The following SLC16A12 variants were observed in gnomAD, a reference collection of about 807,000 sequenced individuals.
The protein encoded by SLC16A12 is monocarboxylate transporter 12.
SLC16A12 carries 17 observed loss-of-function variants against 42.4 expected under a neutral mutation model. The ratio of observed to expected loss-of-function variants is 0.40; its 90% CI spans 0.27 to 0.60. The LOEUF is 0.60. Ranked by LOEUF, SLC16A12 falls within the 20% of genes least tolerant of loss-of-function variation. The pLI is 0.42. For missense variants in SLC16A12, 544 were observed against 623.0 expected (o/e 0.87, Z 1.35); for synonymous variants, 224 against 229.4 (o/e 0.98, Z 0.21).
At chr10:89,462,216 C>T (rs1347086156) in intron 3 of SLC16A12, among the ~76,000 whole-genome samples, 163 bp downstream of exon 3, 1 of 152,136 alleles carries the variant, frequency 6.6e-6, no homozygotes, top group Non-Finnish European at 1.5e-5. Flanking sequence ...GAATCACATA[C>T]TTTGCAAAGA....
Position 89,509,809 on chromosome 10 carries a change from T to C in SLC16A12, c.-47+24692A>G, listed in dbSNP as rs1227513723. 2.6e-5 allele frequency among the ~76,000 whole-genome samples: 4 copies of C among 152,328 alleles called. No individual in the cohort carries two copies. In the East Asian group the frequency reaches 7.7e-4, roughly 29 times the overall value. ...AAACAGGAAGTCAAATTGTCTCCAT[T>C]TGCAGATGACATAATTGTATATTTA... is the stretch of plus-strand genomic sequence containing the variant. On this transcript the variant is annotated intron_variant, in intron 2 of 7. Transcript: ENST00000371790.
chr10:89,446,199 G>A (rs1841998868), intron 3 of SLC16A12, among the ~76,000 whole-genome samples: 1 of 152,142 alleles, frequency 6.6e-6, no homozygotes, highest in Non-Finnish European at 1.5e-5. Flanking sequence ...TATTATCCAG[G>A]AGAACTTCCC....
At chr10:89,481,662 TGTGAGA>T (rs1291228423) in intron 2 of SLC16A12, among the ~76,000 whole-genome samples, 2 of 136,820 alleles carry the variant, frequency 1.5e-5, no homozygotes, top group African/African-American at 5.5e-5. Context: ...TGTGTGTGTG[TGTGAGA>T]GAGAGAGAGA....
rs551860318 is a variant in SLC16A12, at chr10:89,431,373, C to G, written c.*1691G>C. ...ATTCTTAAACTAAGTAAGGAGATAA[C>G]AGACAACATTTAAATTTGTCTTTGG... is the stretch of plus-strand genomic sequence containing the variant. On this transcript the variant is annotated 3_prime_UTR_variant, in exon 8 of 8. Coordinates refer to ENST00000371790, the MANE Select transcript of SLC16A12 (RefSeq NM_213606.4). 1 of 152,324 alleles carries G rather than the reference C, an allele frequency of 6.6e-6. No homozygotes were observed. Among genetic ancestry groups the G allele is most frequent in the South Asian group, 2.1e-4 (1 of 4,832 alleles). The allele number at this position is 152,324 out of a possible 1,614,324, so 9.4% of individuals were successfully genotyped here. A position where few individuals can be genotyped will look rare whatever the true frequency, so the allele number is the denominator to read the frequency against.
At chr10:89,437,856 A>C (rs1339941233) in intron 6 of SLC16A12, among the ~76,000 whole-genome samples, 1 of 152,242 alleles carries the variant, frequency 6.6e-6, no homozygotes, top group Non-Finnish European at 1.5e-5. Context: ...TGAAGAAATT[A>C]CTTGGTAGAT....
At chr10:89,512,455 C>A (rs1564595234) in intron 2 of SLC16A12, among the ~76,000 whole-genome samples, 1 of 152,164 alleles carries the variant, frequency 6.6e-6, no homozygotes, top group South Asian at 2.1e-4. Flanking sequence ...AGGGTTGGAA[C>A]TTTCTGCCCC....
At chr10:89,436,467 C>T in intron 6 of SLC16A12, 148 bp from the exon 7 acceptor site, 3 of 971,988 alleles carry the variant, frequency 3.1e-6, no homozygotes, top group Non-Finnish European at 4.7e-6. Flanking sequence ...TCCTATCTTT[C>T]TTTTTTGCAA....
At chr10:89,513,573 T>G (rs1458555596) in intron 2 of SLC16A12, among the ~76,000 whole-genome samples, 1 of 152,242 alleles carries the variant, frequency 6.6e-6, no homozygotes, top group African/African-American at 2.4e-5. Context: ...AATATAATGA[T>G]TAATACTTAA....
intron 2 of SLC16A12, among the ~76,000 whole-genome samples, chr10:89,519,642 A>T (rs1488192243): frequency 6.6e-6 from 1 of 151,948 alleles, no homozygotes; most frequent in Non-Finnish European, 1.5e-5. Flanking sequence ...AGACTTTATG[A>T]ACTAATAGGC....
intron 2 of SLC16A12, among the ~76,000 whole-genome samples, chr10:89,524,594 C>T (rs912136864): frequency 5.9e-5 from 9 of 152,264 alleles, no homozygotes; most frequent in Non-Finnish European, 8.8e-5. Context: ...GTGCCTCTGG[C>T]TCTGCACGTC....
At chr10:89,496,086 A>G (rs1197726836) in intron 2 of SLC16A12, among the ~76,000 whole-genome samples, 1 of 152,218 alleles carries the variant, frequency 6.6e-6, no homozygotes, top group Non-Finnish European at 1.5e-5. Flanking sequence ...AATTATTAAC[A>G]TAACTAATAA....
chr10:89,455,248 A>G (rs548556452), intron 3 of SLC16A12, among the ~76,000 whole-genome samples: 5 of 152,092 alleles, frequency 3.3e-5, no homozygotes, highest in African/African-American at 7.2e-5. Flanking sequence ...CCAGATGATG[A>G]TATTTTCAAA....
intron 3 of SLC16A12, among the ~76,000 whole-genome samples, chr10:89,459,039 G>T (rs1374243898): frequency 6.6e-6 from 1 of 152,230 alleles, no homozygotes; most frequent in Non-Finnish European, 1.5e-5. Flanking sequence ...AAGGAGAAAA[G>T]TTGAAGAGCA....
intron 2 of SLC16A12, among the ~76,000 whole-genome samples, chr10:89,507,643 A>G (rs1467579871): frequency 2.0e-5 from 3 of 152,248 alleles, no homozygotes; most frequent in Non-Finnish European, 4.4e-5. Context: ...TGTGAAGACC[A>G]TCAACACTAT....
intron 5 of SLC16A12, among the ~76,000 whole-genome samples, chr10:89,440,160 A>C: frequency 6.9e-6 from 1 of 144,884 alleles, no homozygotes; most frequent in African/African-American, 2.5e-5. Context: ...CCTGGATTTT[A>C]TGGCAACTAG....
chr10:89,538,269 C>T (rs1843693071), upstream of SLC16A12, among the ~76,000 whole-genome samples: 1 of 152,204 alleles, frequency 6.6e-6, no homozygotes, highest in African/African-American at 2.4e-5. Context: ...ATAGCACTGT[C>T]CAACAGAATT....
At chr10:89,536,184 A>ACAC (rs1843657922), upstream of SLC16A12, among the ~76,000 whole-genome samples, 1 of 152,108 alleles carries the variant, frequency 6.6e-6, no homozygotes, top group Non-Finnish European at 1.5e-5. Context: ...CCCAAAAAGA[A>ACAC]CTTTTCCCCT....
At chr10:89,477,252 A>G (rs1173380463) in intron 2 of SLC16A12, among the ~76,000 whole-genome samples, 1 of 152,162 alleles carries the variant, frequency 6.6e-6, no homozygotes, top group African/African-American at 2.4e-5. Context: ...TTTGCATGTG[A>G]GTACAGTCTG....
upstream of SLC16A12, among the ~76,000 whole-genome samples, chr10:89,535,965 C>T (rs1459733463): frequency 1.3e-5 from 2 of 152,266 alleles, no homozygotes; most frequent in Non-Finnish European, 2.9e-5. Flanking sequence ...GGGGACTCTG[C>T]CTGGCCGGCA....
Sources: allele counts gnomAD v4.1 joint callset (sites outside exome capture counted in the v4.1 genomes callset), GRCh38; gene constraint gnomAD v4.1.1; transcripts MANE v1.5; gene names NCBI Gene and HGNC (gene_info 2026-07-23, HGNC 2026-07-21).